TNNI1: variants seen among roughly 807,000 people sequenced by gnomAD.
TNNI1 encodes the protein troponin I1, slow skeletal type, also known as troponin I, slow skeletal muscle.
Under a neutral mutation model 26.7 loss-of-function variants are expected in TNNI1, and 14 were observed. That is an observed-to-expected ratio of 0.52 (90% confidence interval 0.35 to 0.82). The LOEUF is 0.82. TNNI1 is among the 40% of genes least tolerant of loss of function. TNNI1 has a pLI of 0.01. For synonymous variants in TNNI1, 79 were observed against 98.2 expected (o/e 0.80, Z 1.16); for missense variants, 164 against 257.0 (o/e 0.64, Z 2.47).
At chr1:201,414,154 T>C (rs1339512836) in intron 5 of TNNI1, among the ~76,000 whole-genome samples, 3 of 152,232 alleles carry the variant, frequency 2.0e-5, no homozygotes, top group Non-Finnish European at 2.9e-5. Context: ...ACCAGTGTTC[T>C]GAAAACATTG....
In TNNI1 at chr1:201,411,282, G is replaced by A; in HGVS notation, c.456+75C>T. 2 of 1,545,570 alleles carry A rather than the reference G, an allele frequency of 1.3e-6. No homozygotes were observed. ...CCAACAGGAGCTCCTGGGCCAGCCT[G>A]AGGCCATGTGAGGGGTTGACAAGGG... On this transcript the variant is annotated intron_variant, in intron 7 of 8. Transcript: ENST00000361379. This position sits in a 1 kb window ranked among gnomAD's most constrained non-coding sequence, Gnocchi z 4.6.
rs1390889561 is a variant in TNNI1 at position 201,417,167 on chromosome 1, G to A, written c.12-48C>T. On this transcript the variant is annotated intron_variant, in intron 2 of 8. Transcript: ENST00000361379. The stretch of plus-strand genomic sequence containing the variant: ...GGACGGGGAAAGAGCAGAACACAGA[G>A]TGAGTATGAACAATGAGGATTACAT... 5.6e-6 allele frequency: 9 copies of A among 1,613,420 alleles called. No individual in the cohort carries two copies. The East Asian group carries it at 1.1e-4, about 20-fold the overall frequency.
At chr1:201,420,520 C>G (rs1255609491) in intron 1 of TNNI1, among the ~76,000 whole-genome samples, 1 of 152,084 alleles carries the variant, frequency 6.6e-6, no homozygotes, top group Non-Finnish European at 1.5e-5. Context: ...AGGGACTATC[C>G]GCTAGACTAT....
chr1:201,409,414 G>A (rs554816596), intron 8 of TNNI1, among the ~76,000 whole-genome samples, 164 bp from the exon 9 acceptor site: 20 of 152,172 alleles, frequency 1.3e-4, no homozygotes, highest in African/African-American at 4.3e-4. Context: ...TCAGCTTCTC[G>A]GCCCTCGGGC....
At position 201,413,073 on chromosome 1, in the gene TNNI1, G is replaced by C. The variant is rs1159048123; in HGVS notation, c.238C>G (p.Arg80Gly). Residue 80 changes from arginine (R) to glycine (G), a missense_variant, in exon 6 of 9, where the codon CGA becomes GGA. Physicochemically the swap from Arg to Gly is moderately radical, Grantham distance 125 (BLOSUM62 -2). Around this residue, in one of 3 missense-constraint regions of TNNI1, gnomAD observed 117 missense variants for 158.7 expected, o/e 0.74. Transcript: ENST00000361379. The part of the protein sequence containing the change: ...HAKVEVVDEE[R>G]YDIEAKCLHN... Reference sequence around the variant, plus strand: ...AGGCATTTGGCCTCAATGTCGTATCGCTCCTCATCCACCACCTCCACCTTG... The same window carrying C: ...AGGCATTTGGCCTCAATGTCGTATCCCTCCTCATCCACCACCTCCACCTTG... The C allele has an allele frequency of 1.9e-6, 3 of 1,614,056 alleles. No homozygotes were observed. The South Asian group carries it at 3.3e-5, about 18-fold the overall frequency.
At chr1:201,413,944 C>T (rs1410511487) in intron 5 of TNNI1, among the ~76,000 whole-genome samples, 1 of 152,168 alleles carries the variant, frequency 6.6e-6, no homozygotes, top group Non-Finnish European at 1.5e-5. Context: ...AGGCATGAGC[C>T]ACTGTGCCCA....
intron 6 of TNNI1, 49 bp downstream of exon 6, chr1:201,412,983 C>T: frequency 6.3e-7 from 1 of 1,583,280 alleles, no homozygotes; most frequent in Non-Finnish European, 8.7e-7. Context: ...CGTGCCCATG[C>T]CCCTGCCCAA....
Position 201,419,982 on chromosome 1 carries a change from G to A in TNNI1, c.-20+1691C>T, listed in dbSNP as rs373283024. ...AAGTCCAAAGGAAACACCAGCTGGC[G>A]AAGAGCCACCTCCAGGCCCATCTGT... On this transcript the variant is annotated intron_variant, in intron 1 of 8. Coordinates refer to ENST00000361379, the MANE Select transcript of TNNI1 (RefSeq NM_003281.4). Among the ~76,000 whole-genome samples the A allele has an allele frequency of 3.3e-5, 5 of 152,204 alleles. No individual in the cohort carries two copies. In the East Asian group the frequency reaches 5.8e-4, roughly 18 times the overall value.
Position 201,410,446 on chromosome 1 carries a change from G to A in TNNI1, c.457-11C>T, listed in dbSNP as rs1456251030. 1 of 1,612,686 alleles carries A rather than the reference G, an allele frequency of 6.2e-7. No individual in the cohort carries two copies. Among genetic ancestry groups the A allele is most frequent in the South Asian group, 1.1e-5 (1 of 91,052 alleles). ...CTCCACAGGCCGCTCCTGTAGACAA[G>A]TGGCACACACATCAGGGACTTACCA... On this transcript the variant is annotated splice_polypyrimidine_tract_variant and intron_variant, in intron 7 of 8. Coordinates refer to ENST00000361379, the MANE Select transcript of TNNI1 (RefSeq NM_003281.4).
At chr1:201,418,044 CTTTT>C (rs35188093) in intron 1 of TNNI1, among the ~76,000 whole-genome samples, 6 of 122,358 alleles carry the variant, frequency 4.9e-5, no homozygotes, top group Non-Finnish European at 7.0e-5. Flanking sequence ...GAATTGTAAG[CTTTT>C]TTTTTTTTTT....
chr1:201,411,515 T>G lies in TNNI1; in HGVS notation c.298A>C (p.Lys100Gln). 6.2e-7 allele frequency: 1 copy of G among 1,604,340 alleles called. No individual in the cohort carries two copies. The highest frequency in any genetic ancestry group is 8.5e-7 in the Non-Finnish European group (1 of 1,176,032). Residue 100 changes from lysine (K) to glutamine (Q), a missense_variant, in exon 7 of 9, where the codon AAG (lysine) becomes CAG (glutamine). Transcript: ENST00000361379. This position sits in a 1 kb window ranked among gnomAD's most constrained non-coding sequence, Gnocchi z 4.6. ...AACTTCCCACGGAGGTCCATCACCT[T>G]CAGCTTCAGGTCCTTAATCTGTAGG... is the stretch of plus-strand genomic sequence containing the variant. Reference protein sequence around the residue: ...NTREIKDLKLKVMDLRGKFKR... With the variant: ...NTREIKDLKLQVMDLRGKFKR...
At chr1:201,414,836 C>T (rs565831092) in intron 4 of TNNI1, among the ~76,000 whole-genome samples, 187 bp from the exon 5 acceptor site, 35 of 152,248 alleles carry the variant, frequency 2.3e-4, no homozygotes, top group Non-Finnish European at 4.0e-4. Context: ...TCCTCAAGCC[C>T]TGGAACTTGT....
At chr1:201,417,707 C>T (rs1374360739) in intron 2 of TNNI1, 76 bp downstream of exon 2, 14 of 1,241,468 alleles carry the variant, frequency 1.1e-5, no homozygotes, top group African/African-American at 9.2e-5. Context: ...AAACATGGTG[C>T]CTCCACTGCG....
chr1:201,410,103 T>C, intron 8 of TNNI1: 2 of 490,938 alleles, frequency 4.1e-6, no homozygotes, highest in East Asian at 6.7e-5. Flanking sequence ...ATTTCATAGA[T>C]AATGGGAACA....
At chr1:201,412,220 G>T (rs144102228) in intron 6 of TNNI1, among the ~76,000 whole-genome samples, 1 of 152,180 alleles carries the variant, frequency 6.6e-6, no homozygotes, top group African/African-American at 2.4e-5. Context: ...CCTCATCCCT[G>T]CTTCTAACTT....
chr1:201,417,222 TG>T (rs1558283138), intron 2 of TNNI1, 103 bp from the exon 3 acceptor site: 1 of 1,512,946 alleles, frequency 6.6e-7, no homozygotes, highest in Non-Finnish European at 9.2e-7. Context: ...CAGACCAGCT[TG>T]GGGGAGGAGG....
intron 1 of TNNI1, 89 bp from the exon 2 acceptor site, chr1:201,417,901 G>A: frequency 1.0e-6 from 1 of 977,436 alleles, no homozygotes; most frequent in Non-Finnish European, 1.4e-6. Context: ...CTAGGAGACA[G>A]AGTCAGAACA....
chr1:201,408,549 C>T lies in TNNI1; in HGVS notation c.*704G>A. 6.6e-6 allele frequency: 1 copy of T among 152,546 alleles called. No individual in the cohort carries two copies. Among genetic ancestry groups the T allele is most frequent in the Non-Finnish European group, 1.5e-5 (1 of 68,196 alleles). The allele number at this position is 152,546 out of a possible 1,614,324, so 9.4% of individuals were successfully genotyped here. A position where few individuals can be genotyped will look rare whatever the true frequency, so the allele number is the denominator to read the frequency against. ...AGAGGAAGGAGAGTATGAAAGCCGGCAGGAGAAGCGGCTCTTAATGGAGAG... is the reference window on the plus strand; with the variant it reads ...AGAGGAAGGAGAGTATGAAAGCCGGTAGGAGAAGCGGCTCTTAATGGAGAG... On this transcript the variant is annotated 3_prime_UTR_variant, in exon 9 of 9. Coordinates refer to ENST00000361379, the MANE Select transcript of TNNI1 (RefSeq NM_003281.4).
intron 3 of TNNI1, 34 bp from the exon 4 acceptor site, chr1:201,415,288 G>C (rs753049941): frequency 1.3e-4 from 206 of 1,611,608 alleles, no homozygotes; most frequent in Non-Finnish European, 1.7e-4. Flanking sequence ...CAGGTGGTGA[G>C]GCAGAGGCTG....
Sources: allele counts gnomAD v4.1 joint callset (sites outside exome capture counted in the v4.1 genomes callset), GRCh38; gene constraint gnomAD v4.1.1; regional missense constraint gnomAD v4.1.1; non-coding constraint Gnocchi (gnomAD v3.1); transcripts MANE v1.5; gene names NCBI Gene and HGNC (gene_info 2026-07-23, HGNC 2026-07-21).